LAMTOR1: variants seen among roughly 807,000 people sequenced by gnomAD.
LAMTOR1 encodes the protein late endosomal/lysosomal adaptor, MAPK and MTOR activator 1.
Under a neutral mutation model 20.5 loss-of-function variants are expected in LAMTOR1, and 8 were observed. That is an observed-to-expected ratio of 0.39 (90% confidence interval 0.23 to 0.70). The LOEUF is 0.70. LAMTOR1 is among the 30% of genes least tolerant of loss of function. The pLI, the probability that LAMTOR1 is intolerant of heterozygous loss-of-function variation, is 0.43. For missense variants in LAMTOR1, 135 were observed against 206.2 expected (o/e 0.65, Z 2.11); for synonymous variants, 77 against 80.9 (o/e 0.95, Z 0.26).
intron 3 of LAMTOR1, 73 bp downstream of exon 3, chr11:72,098,708 C>T: frequency 8.6e-7 from 1 of 1,156,152 alleles, no homozygotes; most frequent in African/African-American, 1.6e-5. Flanking sequence ...AGGGGCCAGG[C>T]TCCAAAGCTG....
At chr11:72,099,776 A>G (rs1945371668) in intron 1 of LAMTOR1, among the ~76,000 whole-genome samples, 1 of 152,186 alleles carries the variant, frequency 6.6e-6, no homozygotes, top group Non-Finnish European at 1.5e-5. Context: ...AAGCAAGCCC[A>G]ACCTCTCCAT....
chr11:72,097,518 C>A lies in LAMTOR1; in HGVS notation c.*304G>T. 1 of 1,164,240 alleles carries A rather than the reference C, an allele frequency of 8.6e-7. No homozygotes were observed. The highest frequency in any genetic ancestry group is 1.1e-6 in the Non-Finnish European group (1 of 936,188). 72.1% of individuals were successfully genotyped at this position (1,164,240 alleles called of 1,614,324 possible). A position where few individuals can be genotyped will look rare whatever the true frequency, so the allele number is the denominator to read the frequency against. Reference sequence around the variant, plus strand: ...GGGTGGGAAGGGGATCTCCCTAGGTCCCCTGGTGATCACCCCCCACCCAAA... The same window carrying A: ...GGGTGGGAAGGGGATCTCCCTAGGTACCCTGGTGATCACCCCCCACCCAAA... On this transcript the variant is annotated 3_prime_UTR_variant, in exon 5 of 5. Coordinates refer to ENST00000278671, the MANE Select transcript of LAMTOR1 (RefSeq NM_017907.3).
rs1322078877 is a variant in LAMTOR1 at position 72,098,325 on chromosome 11, C to T, written c.357G>A (p.Leu119=). 1.2e-6 allele frequency: 2 copies of T among 1,613,598 alleles called. No individual in the cohort carries two copies. The highest frequency in any genetic ancestry group is 1.7e-6 in the Non-Finnish European group (2 of 1,179,936). The change falls in exon 4 of 5, where the codon CTG becomes CTA. Residue 119 remains leucine, a synonymous_variant. Coordinates refer to ENST00000278671, the MANE Select transcript of LAMTOR1 (RefSeq NM_017907.3). ...PSLTSQPHQV[L]ASEPIPFSDL... is the part of the protein sequence containing the mutation. ...CAGAGAACGGGATGGGCTCACTGGCCAGCACTTGGTGGGGCTGGCTGGTAA... is the reference window on the plus strand; with the variant it reads ...CAGAGAACGGGATGGGCTCACTGGCTAGCACTTGGTGGGGCTGGCTGGTAA...
chr11:72,097,484 C>CGTATCATTA lies in LAMTOR1; in HGVS notation c.*337_*338insTAATGATAC. 1 of 1,084,194 alleles carries CGTATCATTA rather than the reference C, an allele frequency of 9.2e-7. No individual in the cohort carries two copies. Among genetic ancestry groups the CGTATCATTA allele is most frequent in the Non-Finnish European group, 1.1e-6 (1 of 889,080 alleles). The allele number at this position is 1,084,194 out of a possible 1,614,324, so 67.2% of individuals were successfully genotyped here. Reference sequence around the variant, plus strand: ...GAGGGGGCAGGAGTGACTCTGAGGCCAACAGAGAGGGTGGGAAGGGGATCT... The same window carrying CGTATCATTA: ...GAGGGGGCAGGAGTGACTCTGAGGCCGTATCATTAAACAGAGAGGGTGGGAAGGGGATCT... On this transcript the variant is annotated 3_prime_UTR_variant, in exon 5 of 5. Coordinates refer to ENST00000278671, the MANE Select transcript of LAMTOR1 (RefSeq NM_017907.3).
intron 2 of LAMTOR1, 61 bp from the exon 3 acceptor site, chr11:72,098,919 C>A: frequency 7.0e-7 from 1 of 1,433,956 alleles, no homozygotes; most frequent in South Asian, 1.3e-5. Context: ...AAACAGGACT[C>A]AGTGCCAGGT....
At position 72,101,274 on chromosome 11, in the gene LAMTOR1, G is replaced by C. The variant is rs925390236; in HGVS notation, c.42+1909C>G. Among the ~76,000 whole-genome samples, 375 of 120,864 alleles carry C rather than the reference G, an allele frequency of 3.1e-3. 1 individual carries two copies. Among genetic ancestry groups the C allele is most frequent in the African/African-American group, 0.013 (355 of 28,180 alleles). 79.3% of individuals were successfully genotyped at this position (120,864 alleles called of 152,430 possible). On this transcript the variant is annotated intron_variant, in intron 1 of 4. Transcript: ENST00000278671. ...CAAAGTGCGAGTGGAGCATGGGTTA[G>C]GTTTGTCACATCAAGGTTTGTCTCT...
intron 4 of LAMTOR1, 128 bp from the exon 5 acceptor site, chr11:72,098,042 G>GA: frequency 8.3e-7 from 1 of 1,207,970 alleles, no homozygotes; most frequent in Admixed American, 2.4e-5. Context: ...AAGGCAAAGA[G>GA]AAAGACAGGG....
intron 1 of LAMTOR1, among the ~76,000 whole-genome samples, chr11:72,099,734 C>T (rs765844777): frequency 6.6e-6 from 1 of 152,178 alleles, no homozygotes; most frequent in Non-Finnish European, 1.5e-5. Flanking sequence ...GAAGCCCTGG[C>T]GAGTCCAGAC....
intron 2 of LAMTOR1, 63 bp from the exon 3 acceptor site, chr11:72,098,921 G>A: frequency 7.0e-7 from 1 of 1,430,806 alleles, no homozygotes; most frequent in Non-Finnish European, 9.5e-7. Flanking sequence ...ACAGGACTCA[G>A]TGCCAGGTAC....
At chr11:72,101,952 ATTG>A (rs1156530590) in intron 1 of LAMTOR1, among the ~76,000 whole-genome samples, 1 of 152,182 alleles carries the variant, frequency 6.6e-6, no homozygotes, top group African/African-American at 2.4e-5. Context: ...AGGCAGGGTT[ATTG>A]TTGTCTCTTT....
intron 1 of LAMTOR1, among the ~76,000 whole-genome samples, chr11:72,102,959 A>C (rs1267350463): frequency 6.6e-6 from 1 of 152,252 alleles, no homozygotes; most frequent in African/African-American, 2.4e-5. Context: ...AGCGAGCCGG[A>C]CAGGCGGCTG....
chr11:72,097,792 A>G lies in LAMTOR1; in HGVS notation c.*30T>C, dbSNP rs946014974. 9 of 1,613,628 alleles carry G rather than the reference A, an allele frequency of 5.6e-6. No homozygotes were observed. In the African/African-American group the frequency reaches 1.1e-4, roughly 19 times the overall value. On this transcript the variant is annotated 3_prime_UTR_variant, in exon 5 of 5. Transcript: ENST00000278671. ...GGTGGGGTAGAGATGGGATGAAGAGAGGAGAAGAGCTGTCCAAGGACCCCT... is the reference window on the plus strand; with the variant it reads ...GGTGGGGTAGAGATGGGATGAAGAGGGGAGAAGAGCTGTCCAAGGACCCCT...
intron 4 of LAMTOR1, 50 bp from the exon 5 acceptor site, chr11:72,097,964 G>A (rs1219674107): frequency 6.5e-7 from 1 of 1,530,580 alleles, no homozygotes; most frequent in Non-Finnish European, 8.8e-7. Context: ...AGGTGAGGAG[G>A]GCAATCAGGA....
intron 1 of LAMTOR1, 116 bp downstream of exon 1, chr11:72,103,067 C>CA: frequency 7.6e-7 from 1 of 1,320,238 alleles, no homozygotes; most frequent in Non-Finnish European, 1.1e-6. Context: ...CCCCTCCAGG[C>CA]CTCCGTATTC....
Position 72,097,605 on chromosome 11 carries a change from A to C in LAMTOR1, c.*217T>G. ...ACCAGGCTCTGTCCTTTTGGCCCCCACCCCATCCCTGGCCAGAGCTTCAAA... is the reference window on the plus strand; with the variant it reads ...ACCAGGCTCTGTCCTTTTGGCCCCCCCCCCATCCCTGGCCAGAGCTTCAAA... On this transcript the variant is annotated 3_prime_UTR_variant, in exon 5 of 5. Transcript: ENST00000278671. 7.3e-7 allele frequency: 1 copy of C among 1,373,448 alleles called. No individual in the cohort carries two copies. 85.1% of individuals were successfully genotyped at this position (1,373,448 alleles called of 1,614,324 possible).
In LAMTOR1 at chr11:72,098,426, G is replaced by A. The variant is rs201067842; in HGVS notation, c.267-11C>T. On this transcript the variant is annotated splice_polypyrimidine_tract_variant and intron_variant, in intron 3 of 4. Coordinates refer to ENST00000278671, the MANE Select transcript of LAMTOR1 (RefSeq NM_017907.3). ...ACAGCCAAGCGGGTGCTGACCAAGA[G>A]AGAGGGGGTGGGGGTAGGCAGTTAA... 1.0e-5 allele frequency: 16 copies of A among 1,606,564 alleles called. No individual in the cohort carries two copies. The Admixed American group carries it at 1.9e-4, about 19-fold the overall frequency.
At position 72,097,814 on chromosome 11, in the gene LAMTOR1, C is replaced by T; in HGVS notation, c.*8G>A. The T allele has an allele frequency of 6.2e-7, 1 of 1,613,968 alleles. No individual in the cohort carries two copies. Among genetic ancestry groups the T allele is most frequent in the Middle Eastern group, 1.7e-4 (1 of 6,042 alleles). ...GAGAGGAGAAGAGCTGTCCAAGGAC[C>T]CCTCTCTTCATGGGATCCCAAACTG... is the stretch of plus-strand genomic sequence containing the variant. On this transcript the variant is annotated 3_prime_UTR_variant, in exon 5 of 5. Transcript: ENST00000278671.
At chr11:72,100,459 T>A (rs1945396689) in intron 1 of LAMTOR1, among the ~76,000 whole-genome samples, 1 of 152,234 alleles carries the variant, frequency 6.6e-6, no homozygotes, top group Non-Finnish European at 1.5e-5. Context: ...TACTGTAATA[T>A]TTCTGGATTT....
chr11:72,100,272 CAAT>C (rs1945391110), intron 1 of LAMTOR1, among the ~76,000 whole-genome samples: 1 of 152,106 alleles, frequency 6.6e-6, no homozygotes, highest in Non-Finnish European at 1.5e-5. Flanking sequence ...AAACAAACAA[CAAT>C]GGCGCTGTTC....
Sources: gnomAD v4.1 joint callset for allele counts (sites outside exome capture counted in the v4.1 genomes callset) on GRCh38, gnomAD v4.1.1 for gene constraint, MANE v1.5 for transcripts, NCBI Gene and HGNC (gene_info 2026-07-23, HGNC 2026-07-21) for gene names.